PLCB1: variants seen among roughly 807,000 people sequenced by gnomAD.
PLCB1 encodes the protein phospholipase C beta 1.
Under a neutral mutation model 161.8 loss-of-function variants are expected in PLCB1, and 46 were observed. The ratio of observed to expected loss-of-function variants is 0.28; its 90% CI spans 0.22 to 0.36. The LOEUF (loss-of-function observed/expected upper bound fraction) is 0.36. Ranked by LOEUF, PLCB1 falls within the 10% of genes least tolerant of loss-of-function variation. PLCB1 has a pLI of 1.00. For missense variants in PLCB1, 1,016 were observed against 1,472.5 expected, an observed-to-expected ratio of 0.69 and a Z score of 5.07; for synonymous variants, 517 against 503.7, an observed-to-expected ratio of 1.03 and a Z score of -0.35.
At chr20:8,564,079 T>G (rs2123031184) in intron 3 of PLCB1, among the ~76,000 whole-genome samples, 1 of 152,282 alleles carries the variant, frequency 6.6e-6, no homozygotes, top group African/African-American at 2.4e-5. Flanking sequence ...GACATCACAC[T>G]ACCTGACTTC....
intron 3 of PLCB1, among the ~76,000 whole-genome samples, chr20:8,486,963 C>T (rs1982757187): frequency 6.6e-6 from 1 of 152,174 alleles, no homozygotes; most frequent in South Asian, 2.1e-4. Flanking sequence ...TTGCAGGTGG[C>T]ATAAGGCTTC....
chr20:8,550,605 A>G (rs1023521534), intron 3 of PLCB1, among the ~76,000 whole-genome samples: 1 of 152,260 alleles, frequency 6.6e-6, no homozygotes, highest in East Asian at 1.9e-4. Context: ...GATCTCAGGT[A>G]TTTCTTCATA....
At chr20:8,278,166 A>G (rs2123278288) in intron 2 of PLCB1, among the ~76,000 whole-genome samples, 1 of 150,794 alleles carries the variant, frequency 6.6e-6, no homozygotes, top group African/African-American at 2.4e-5. Flanking sequence ...GATTGGTTAA[A>G]CTCTTCAAGT....
intron 31 of PLCB1, among the ~76,000 whole-genome samples, chr20:8,811,904 T>C (rs1354446707): frequency 6.6e-6 from 1 of 152,220 alleles, no homozygotes; most frequent in Non-Finnish European, 1.5e-5. Context: ...CATTAAGGGG[T>C]AATGTACTTA....
chr20:8,486,534 G>T (rs1362183142), intron 3 of PLCB1, among the ~76,000 whole-genome samples: 2 of 128,526 alleles, frequency 1.6e-5, no homozygotes, highest in African/African-American at 3.2e-5. Flanking sequence ...TGTCGCCCAG[G>T]CCGGACTGCG....
At chr20:8,268,698 T>G (rs1982112461) in intron 2 of PLCB1, among the ~76,000 whole-genome samples, 1 of 152,246 alleles carries the variant, frequency 6.6e-6, no homozygotes, top group African/African-American at 2.4e-5. Context: ...GGTTTTGATT[T>G]GCATTTTTCT....
chr20:8,159,988 C>CAAAAAAAAAAAA (rs375028388), intron 2 of PLCB1, among the ~76,000 whole-genome samples: 1 of 79,326 alleles, frequency 1.3e-5, no homozygotes, highest in Admixed American at 1.5e-4. Context: ...AACTCCATCT[C>CAAAAAAAAAAAA]AAAAAAAAAA....
At chr20:8,523,398 A>ATGTGTGTGTGTGTG (rs34787623) in intron 3 of PLCB1, among the ~76,000 whole-genome samples, 41 of 122,578 alleles carry the variant, frequency 3.3e-4, no homozygotes, top group African/African-American at 1.3e-3. Flanking sequence ...CATAACAAAT[A>ATGTGTGTGTGTGTG]TGTGTGTGTG....
Position 8,272,584 on chromosome 20 carries a change from T to G in PLCB1, c.178-98798T>G, listed in dbSNP as rs748774982. Among the ~76,000 whole-genome samples, 9 of 152,066 alleles carry G rather than the reference T, an allele frequency of 5.9e-5. 1 individual carries two copies. Among genetic ancestry groups the G allele is most frequent in the Non-Finnish European group, 1.2e-4 (8 of 67,988 alleles). The stretch of plus-strand genomic sequence containing the variant: ...CAGTAATTCCTGCTGAAGAAGTATA[T>G]TTAGCCAATTGACCTCGAGTATACC... On this transcript the variant is annotated intron_variant, in intron 2 of 31. Coordinates refer to ENST00000338037, the MANE Select transcript of PLCB1 (RefSeq NM_015192.4).
intron 3 of PLCB1, among the ~76,000 whole-genome samples, chr20:8,588,899 T>A (rs1987067209): frequency 6.6e-6 from 1 of 152,140 alleles, no homozygotes; most frequent in Non-Finnish European, 1.5e-5. Flanking sequence ...GTCACAAAAC[T>A]AGAACACAAT....
At chr20:8,423,279 C>T (rs954635274) in intron 3 of PLCB1, among the ~76,000 whole-genome samples, 79 of 152,158 alleles carry the variant, frequency 5.2e-4, no homozygotes, top group African/African-American at 1.8e-3. Flanking sequence ...GATCATAACA[C>T]ACTGAATGAA....
At chr20:8,155,642 A>G (rs772608472) in intron 2 of PLCB1, among the ~76,000 whole-genome samples, 1 of 152,190 alleles carries the variant, frequency 6.6e-6, no homozygotes, top group South Asian at 2.1e-4. Context: ...CACACATTTC[A>G]TTAATGATTT....
intron 3 of PLCB1, among the ~76,000 whole-genome samples, chr20:8,400,087 A>G (rs971879030): frequency 2.6e-5 from 4 of 152,110 alleles, no homozygotes; most frequent in Admixed American, 2.6e-4. Flanking sequence ...AATCTTGCAT[A>G]ATGTCAGAAG....
At chr20:8,325,612 C>A (rs1450187659) in intron 2 of PLCB1, among the ~76,000 whole-genome samples, 7 of 152,154 alleles carry the variant, frequency 4.6e-5, no homozygotes, top group South Asian at 2.1e-4. Flanking sequence ...GCCATTTAAT[C>A]ATTTCATCTA....
At chr20:8,587,982 A>G (rs568543878) in intron 3 of PLCB1, among the ~76,000 whole-genome samples, 1 of 152,314 alleles carries the variant, frequency 6.6e-6, no homozygotes, top group African/African-American at 2.4e-5. Flanking sequence ...CAAAATAAAA[A>G]ACTTGTGAAA....
At chr20:8,362,381 C>A (rs1986571751) in intron 2 of PLCB1, among the ~76,000 whole-genome samples, 1 of 152,116 alleles carries the variant, frequency 6.6e-6, no homozygotes, top group South Asian at 2.1e-4. Flanking sequence ...AAAAATATAT[C>A]TCTTAATATA....
At chr20:8,724,811 C>A in intron 16 of PLCB1, 59 bp downstream of exon 16, 1 of 914,932 alleles carries the variant, frequency 1.1e-6, no homozygotes, top group South Asian at 1.4e-5. Flanking sequence ...ATTTTAAATA[C>A]GGAGTAATGG....
intron 3 of PLCB1, among the ~76,000 whole-genome samples, chr20:8,377,951 G>A (rs553424408): frequency 6.6e-6 from 1 of 152,264 alleles, no homozygotes; most frequent in Non-Finnish European, 1.5e-5. Flanking sequence ...GTCTCTTAAG[G>A]AATGTAGGTG....
chr20:8,223,957 T>C (rs1979546371), intron 2 of PLCB1, among the ~76,000 whole-genome samples: 1 of 152,210 alleles, frequency 6.6e-6, no homozygotes, highest in African/African-American at 2.4e-5. Context: ...AGATTTGGCA[T>C]GTGTGAGGTT....
Sources: allele counts gnomAD v4.1 joint callset (sites outside exome capture counted in the v4.1 genomes callset), GRCh38; gene constraint gnomAD v4.1.1; transcripts MANE v1.5; gene names NCBI Gene and HGNC (gene_info 2026-07-23, HGNC 2026-07-21).